Variants in CNTN4 observed in about 807,000 individuals in gnomAD.
CNTN4 encodes contactin-4.
In CNTN4, 77 loss-of-function variants were observed where a neutral mutation model predicts 122.5. The ratio of observed to expected loss-of-function variants is 0.63; its 90% confidence interval spans 0.52 to 0.76. The LOEUF (loss-of-function observed/expected upper bound fraction) is 0.76, where lower values mean the gene tolerates loss of function less well. Among genes scored for constraint, CNTN4 ranks in the 30% least tolerant of loss-of-function variants. CNTN4 has a pLI of 0.00. For missense variants in CNTN4, 1,256 were observed against 1,259.1 expected (o/e 1.00, Z 0.04); for synonymous variants, 512 against 447.0 (o/e 1.15, Z -1.83).
intron 7 of CNTN4, among the ~76,000 whole-genome samples, chr3:2,851,182 TG>T (rs1283468804): frequency 1.3e-5 from 2 of 152,256 alleles, no homozygotes; most frequent in African/African-American, 4.8e-5. Context: ...AATATACAGT[TG>T]CAAGTGTAAA....
intron 3 of CNTN4, among the ~76,000 whole-genome samples, chr3:2,440,899 A>C (rs1311182386): frequency 6.7e-6 from 1 of 148,216 alleles, no homozygotes; most frequent in African/African-American, 2.5e-5. Context: ...ATATACATGT[A>C]TATAACAAAA....
chr3:2,239,905 A>T (rs2039864773), intron 2 of CNTN4, among the ~76,000 whole-genome samples: 2 of 152,208 alleles, frequency 1.3e-5, no homozygotes, highest in African/African-American at 2.4e-5. Flanking sequence ...GGACTGACCC[A>T]TCCTAAAATC....
intron 3 of CNTN4, among the ~76,000 whole-genome samples, chr3:2,524,569 A>T (rs555724321): frequency 1.4e-4 from 22 of 152,144 alleles, no homozygotes; most frequent in African/African-American, 5.1e-4. Flanking sequence ...AACTAAAGAG[A>T]ATATGGAAAT....
chr3:2,332,673 AGAACACAT>A (rs2043780662), intron 2 of CNTN4, among the ~76,000 whole-genome samples: 1 of 143,982 alleles, frequency 6.9e-6, no homozygotes, highest in Admixed American at 7.1e-5. Flanking sequence ...TTGAACAATG[AGAACACAT>A]GGACACAGGA....
intron 4 of CNTN4, among the ~76,000 whole-genome samples, chr3:2,680,992 AATATC>A (rs1170389743): frequency 6.6e-6 from 1 of 152,248 alleles, no homozygotes; most frequent in East Asian, 1.9e-4. Flanking sequence ...AAGAAAATGC[AATATC>A]ATATCTATGG....
intron 2 of CNTN4, among the ~76,000 whole-genome samples, chr3:2,295,802 T>A (rs1047570242): frequency 1.3e-5 from 2 of 152,208 alleles, no homozygotes; most frequent in Non-Finnish European, 2.9e-5. Flanking sequence ...AGGGTTTTTA[T>A]GTTTTTAGGT....
At chr3:2,255,299 C>A (rs6808783) in intron 2 of CNTN4, among the ~76,000 whole-genome samples, 11,394 of 151,698 alleles carry the variant, frequency 0.075, 647 homozygotes, top group African/African-American at 0.16. Context: ...TTCTTGGAGA[C>A]CTACAAAGAG....
At chr3:2,392,876 C>T (rs137975189) in intron 3 of CNTN4, among the ~76,000 whole-genome samples, 41 of 152,260 alleles carry the variant, frequency 2.7e-4, no homozygotes, top group African/African-American at 9.6e-4. Flanking sequence ...CACCAAAACT[C>T]ATTCCTCCTA....
chr3:2,564,096 A>C lies in CNTN4; in HGVS notation c.-88-7320A>C, dbSNP rs565666141. ...CATCATTCATAAAAGAACTTAGTAC[A>C]TATGACAAAAAAATCAAGAAATAGT... On this transcript the variant is annotated intron_variant, in intron 3 of 24. Coordinates refer to ENST00000418658, the MANE Select transcript of CNTN4 (RefSeq NM_175607.3). Among the ~76,000 whole-genome samples the C allele has an allele frequency of 2.0e-5, 3 of 152,296 alleles. No individual in the cohort carries two copies. The South Asian group carries it at 6.2e-4, about 32-fold the overall frequency.
intron 12 of CNTN4, among the ~76,000 whole-genome samples, chr3:2,909,662 G>C (rs543877701): frequency 6.6e-6 from 1 of 152,116 alleles, no homozygotes; most frequent in Admixed American, 6.5e-5. Context: ...CAGAATTTGA[G>C]AACTATTGCT....
At chr3:2,437,430 A>G (rs1038508276) in intron 3 of CNTN4, among the ~76,000 whole-genome samples, 1 of 152,158 alleles carries the variant, frequency 6.6e-6, no homozygotes, top group Non-Finnish European at 1.5e-5. Context: ...GTAAATGTGC[A>G]TTTTATGTAA....
At chr3:2,597,137 A>G (rs916420268) in intron 4 of CNTN4, among the ~76,000 whole-genome samples, 1 of 152,188 alleles carries the variant, frequency 6.6e-6, no homozygotes, top group African/African-American at 2.4e-5. Context: ...CTTAGCAGCC[A>G]CTGTCCTTTC....
At chr3:2,391,789 G>C (rs1000557888) in intron 3 of CNTN4, among the ~76,000 whole-genome samples, 2 of 152,106 alleles carry the variant, frequency 1.3e-5, no homozygotes, top group Non-Finnish European at 2.9e-5. Flanking sequence ...GACTGCCCTT[G>C]ATCACAAAAA....
chr3:2,134,218 A>G (rs1448459427), intron 2 of CNTN4, among the ~76,000 whole-genome samples: 1 of 152,202 alleles, frequency 6.6e-6, no homozygotes. Flanking sequence ...TATTAAGGTT[A>G]TGTATCAGAA....
intron 14 of CNTN4, among the ~76,000 whole-genome samples, chr3:3,011,846 A>T (rs1697268086): frequency 6.6e-6 from 1 of 151,956 alleles, no homozygotes; most frequent in Non-Finnish European, 1.5e-5. Context: ...AGCTTCCTGC[A>T]CTTAAAACAG....
At chr3:2,395,996 A>G (rs2046626386) in intron 3 of CNTN4, among the ~76,000 whole-genome samples, 1 of 151,972 alleles carries the variant, frequency 6.6e-6, no homozygotes, top group Non-Finnish European at 1.5e-5. Context: ...AACACCATAT[A>G]ACACATGCAT....
At chr3:2,739,420 C>T (rs1214768494) in intron 5 of CNTN4, among the ~76,000 whole-genome samples, 4 of 152,004 alleles carry the variant, frequency 2.6e-5, no homozygotes, top group Non-Finnish European at 4.4e-5. Context: ...CTGGTATGTT[C>T]GTACAAGGTA....
intron 7 of CNTN4, among the ~76,000 whole-genome samples, chr3:2,839,039 C>T (rs969034507): frequency 3.3e-5 from 5 of 152,140 alleles, no homozygotes; most frequent in African/African-American, 1.2e-4. Flanking sequence ...CTAATGGCCT[C>T]CTTCCTCTAG....
intron 2 of CNTN4, among the ~76,000 whole-genome samples, chr3:2,290,439 A>T (rs1443492715): frequency 2.6e-5 from 4 of 152,212 alleles, no homozygotes; most frequent in African/African-American, 9.6e-5. Context: ...CTGTTAATGA[A>T]GTACTTAGTA....
Sources: gnomAD v4.1 joint callset for allele counts (sites outside exome capture counted in the v4.1 genomes callset) on GRCh38, gnomAD v4.1.1 for gene constraint, MANE v1.5 for transcripts, NCBI Gene and HGNC (gene_info 2026-07-23, HGNC 2026-07-21) for gene names.